AK6: variants seen among roughly 807,000 people sequenced by gnomAD.
The protein encoded by AK6 is adenylate kinase 6, also known as adenylate kinase isoenzyme 6.
A neutral mutation model predicts 23.7 loss-of-function variants in AK6; 24 were observed. That is an observed-to-expected ratio of 1.01 (90% confidence interval 0.73 to 1.43). The LOEUF (loss-of-function observed/expected upper bound fraction) is 1.43. Among genes scored for constraint, AK6 ranks in the 40% most tolerant of loss-of-function variants. The pLI is 0.00. For missense variants in AK6, 191 were observed against 199.1 expected (o/e 0.96, Z 0.24); for synonymous variants, 73 against 69.8 (o/e 1.05, Z -0.23).
chr5:69,362,970 C>G (rs1013144998), intron 2 of AK6, among the ~76,000 whole-genome samples: 1 of 152,142 alleles, frequency 6.6e-6, no homozygotes, highest in African/African-American at 2.4e-5. Context: ...TGGCTCTCGT[C>G]TGCAATCCCA....
intron 2 of AK6, among the ~76,000 whole-genome samples, chr5:69,360,532 T>G (rs1269753374): frequency 6.6e-6 from 1 of 152,164 alleles, no homozygotes; most frequent in East Asian, 1.9e-4. Flanking sequence ...ATTATAAATT[T>G]AAGTCATCAG....
rs551990179 is a variant in AK6 at position 69,360,945 on chromosome 5, G to A, written c.122-4992C>T. ...TGCTTTACAATTTCTACTGGAAATG[G>A]ATCCAATGTCAATATATTACTTCGT... On this transcript the variant is annotated intron_variant, in intron 2 of 4. Transcript: ENST00000380822. Among the ~76,000 whole-genome samples the A allele has an allele frequency of 4.9e-4, 74 of 152,318 alleles. No individual in the cohort carries two copies. In the South Asian group the frequency reaches 0.015, roughly 30 times the overall value.
intron 2 of AK6, among the ~76,000 whole-genome samples, chr5:69,360,112 C>T (rs1483042676): frequency 6.6e-6 from 1 of 152,110 alleles, no homozygotes; most frequent in Admixed American, 6.6e-5. Context: ...AAAGAATCTC[C>T]TATATTTCCT....
Position 69,352,002 on chromosome 5 carries a change from T to A in AK6, c.*59A>T, listed in dbSNP as rs1761960010. 6.9e-7 allele frequency: 1 copy of A among 1,447,356 alleles called. No homozygotes were observed. Among genetic ancestry groups the A allele is most frequent in the African/African-American group, 1.4e-5 (1 of 70,890 alleles). The allele number at this position is 1,447,356 out of a possible 1,614,324, so 89.7% of individuals were successfully genotyped here. ...AAAGTGTTACTGACACTTGAACAATTTCTATGATGTCGGCAGAGATATCAA... is the reference window on the plus strand; with the variant it reads ...AAAGTGTTACTGACACTTGAACAATATCTATGATGTCGGCAGAGATATCAA... On this transcript the variant is annotated 3_prime_UTR_variant, in exon 5 of 5. Coordinates refer to ENST00000380822, the MANE Select transcript of AK6 (RefSeq NM_016283.5).
intron 2 of AK6, chr5:69,365,045 C>A: frequency 6.2e-7 from 1 of 1,614,008 alleles, no homozygotes; most frequent in Non-Finnish European, 8.5e-7. Flanking sequence ...TTTGTGATGA[C>A]ATCATATTAG....
chr5:69,356,079 C>T (rs1762077519), intron 2 of AK6, 126 bp from the exon 3 acceptor site: 1 of 747,454 alleles, frequency 1.3e-6, no homozygotes, highest in South Asian at 2.2e-5. Context: ...AGGGTGGATA[C>T]TAACAAAATA....
upstream of AK6, chr5:69,369,637 A>T (rs1274083836): frequency 6.4e-7 from 1 of 1,564,844 alleles, no homozygotes; most frequent in Non-Finnish European, 8.7e-7. Flanking sequence ...CCGGCGGCCC[A>T]GCCGCGGCCC....
intron 1 of AK6, chr5:69,369,226 A>T: frequency 8.1e-6 from 1 of 123,114 alleles, no homozygotes; most frequent in Non-Finnish European, 1.6e-5. Flanking sequence ...ACCTCTCTCC[A>T]CCCCCCCCCG....
intron 2 of AK6, among the ~76,000 whole-genome samples, chr5:69,361,559 C>A (rs542210684): frequency 6.6e-6 from 1 of 152,094 alleles, no homozygotes; most frequent in East Asian, 1.9e-4. Context: ...CTGCCTCAGC[C>A]TCCTGAGTAG....
chr5:69,365,572 T>C (rs1332336336), intron 2 of AK6: 2 of 1,614,060 alleles, frequency 1.2e-6, no homozygotes, highest in Admixed American at 1.7e-5. Context: ...CTTGAATAAA[T>C]TTTTGCATCA....
At chr5:69,369,422 A>G in intron 1 of AK6, 41 bp downstream of exon 1, 1 of 1,603,494 alleles carries the variant, frequency 6.2e-7, no homozygotes, top group Non-Finnish European at 8.5e-7. Flanking sequence ...CTGCGCCCCC[A>G]GCCTGCCCCA....
intron 4 of AK6, among the ~76,000 whole-genome samples, chr5:69,354,815 T>A (rs1762038141): frequency 6.6e-6 from 1 of 152,138 alleles, no homozygotes; most frequent in Admixed American, 6.6e-5. Flanking sequence ...AGAAAAAGCA[T>A]GGCTAAATAG....
intron 4 of AK6, 189 bp downstream of exon 4, chr5:69,355,460 G>A: frequency 1.8e-6 from 1 of 542,092 alleles, no homozygotes; most frequent in Non-Finnish European, 3.1e-6. Context: ...GAACCAGGGA[G>A]GTGGAGGTTG....
intron 2 of AK6, chr5:69,365,248 T>G (rs201579031): frequency 6.2e-7 from 1 of 1,614,222 alleles, no homozygotes; most frequent in East Asian, 2.2e-5. Flanking sequence ...GGGGTTGGTG[T>G]GCCTAGTGTG....
chr5:69,357,657 T>A (rs915042800), intron 2 of AK6, among the ~76,000 whole-genome samples: 1 of 152,106 alleles, frequency 6.6e-6, no homozygotes, highest in South Asian at 2.1e-4. Context: ...AAAAAATCAG[T>A]AAACACACAT....
chr5:69,369,423 G>A (rs774684599), intron 1 of AK6, 40 bp downstream of exon 1: 6 of 1,603,744 alleles, frequency 3.7e-6, no homozygotes, highest in African/African-American at 1.4e-5. Context: ...TGCGCCCCCA[G>A]CCTGCCCCAG....
chr5:69,363,696 A>G (rs985289995), intron 2 of AK6, among the ~76,000 whole-genome samples: 1 of 151,956 alleles, frequency 6.6e-6, no homozygotes, highest in Non-Finnish European at 1.5e-5. Flanking sequence ...AGGCAGGACA[A>G]TGGCGTGAAC....
chr5:69,364,722 T>C, intron 2 of AK6: 1 of 634,608 alleles, frequency 1.6e-6, no homozygotes, highest in Non-Finnish European at 2.8e-6. Context: ...TTTAAAAACA[T>C]AACTGCCAAA....
Position 69,351,759 on chromosome 5 carries a change from T to C in AK6, c.*302A>G. The C allele has an allele frequency of 4.1e-6, 1 of 241,550 alleles. No homozygotes were observed. The highest frequency in any genetic ancestry group is 7.8e-6 in the Non-Finnish European group (1 of 128,214). 15.0% of individuals were successfully genotyped at this position (241,550 alleles called of 1,614,324 possible). A position where few individuals can be genotyped will look rare whatever the true frequency, so the allele number is the denominator to read the frequency against. On this transcript the variant is annotated 3_prime_UTR_variant, in exon 5 of 5. Transcript: ENST00000380822. ...TCTTTAGTTTTATTTTAAGAGATCATCTGCATTTTTTTCTGTAATAAACTT... is the reference window on the plus strand; with the variant it reads ...TCTTTAGTTTTATTTTAAGAGATCACCTGCATTTTTTTCTGTAATAAACTT...
Sources: allele counts gnomAD v4.1 joint callset (sites outside exome capture counted in the v4.1 genomes callset), GRCh38; gene constraint gnomAD v4.1.1; transcripts MANE v1.5; gene names NCBI Gene and HGNC (gene_info 2026-07-23, HGNC 2026-07-21).